Variants in MTM1 observed in about 807,000 individuals in gnomAD.
MTM1 encodes myotubularin.
Under a neutral mutation model 52.1 loss-of-function variants are expected in MTM1, and 9 were observed. The ratio of observed to expected loss-of-function variants is 0.17; its 90% confidence interval spans 0.10 to 0.30. The LOEUF is 0.30. MTM1 is among the 10% of genes least tolerant of loss of function. The pLI, the probability that MTM1 is intolerant of heterozygous loss-of-function variation, is 1.00. For synonymous variants in MTM1, 136 were observed against 163.8 expected, an observed-to-expected ratio of 0.83 and a Z score of 1.29; for missense variants, 277 against 470.7, an observed-to-expected ratio of 0.59 and a Z score of 3.81.
chrX:150,564,452 G>A (rs782588977), upstream of MTM1, among the ~76,000 whole-genome samples: 12 of 111,343 alleles, frequency 1.1e-4, no homozygotes, highest in Non-Finnish European at 1.7e-4. Flanking sequence ...GCACGATCTC[G>A]GCTCAGTGCA....
chrX:150,613,254 T>C (rs1278414452), intron 4 of MTM1, among the ~76,000 whole-genome samples: 6 of 111,915 alleles, frequency 5.4e-5, no homozygotes, highest in African/African-American at 1.9e-4. Flanking sequence ...CAAACTTATC[T>C]ATCACAATAT....
At chrX:150,570,782 AT>A (rs2038358675) in intron 1 of MTM1, among the ~76,000 whole-genome samples, 1 of 111,830 alleles carries the variant, frequency 8.9e-6, no homozygotes, top group Admixed American at 9.5e-5. Context: ...AAACTAGTTC[AT>A]TTTGAAATAG....
intron 1 of MTM1, among the ~76,000 whole-genome samples, chrX:150,572,807 TG>T (rs1445707009): frequency 8.9e-6 from 1 of 112,762 alleles, no homozygotes; most frequent in Non-Finnish European, 1.9e-5. Flanking sequence ...TCCTCCTTGC[TG>T]GAACAGGGCA....
chrX:150,653,311 C>G (rs1283282491), intron 10 of MTM1, among the ~76,000 whole-genome samples: 1 of 111,590 alleles, frequency 9.0e-6, no homozygotes, highest in Non-Finnish European at 1.9e-5. Context: ...GCATATCATT[C>G]CATCCTCTGC....
chrX:150,662,485 A>T (rs1487328329), intron 13 of MTM1, among the ~76,000 whole-genome samples: 2 of 110,160 alleles, frequency 1.8e-5, no homozygotes, highest in Non-Finnish European at 3.8e-5. Context: ...CACCACTCCC[A>T]GCTAATTTTT....
Position 150,583,792 on chromosome X carries a change from T to G in MTM1, c.-10-8813T>G, listed in dbSNP as rs369494662. ...ATATATTTAATATATAAAATATATA[T>G]AAAATATATATTAAATATATATATT... On this transcript the variant is annotated intron_variant, in intron 1 of 14. Coordinates refer to ENST00000370396, the MANE Select transcript of MTM1 (RefSeq NM_000252.3). Among the ~76,000 whole-genome samples the G allele has an allele frequency of 1.8e-4, 9 of 50,574 alleles. 1 individual carries two copies. Among genetic ancestry groups the G allele is most frequent in the Non-Finnish European group, 3.0e-4 (9 of 30,074 alleles). The allele number at this position is 50,574 out of a possible 115,157, so 43.9% of individuals were successfully genotyped here.
In MTM1 at chrX:150,665,352, G is replaced by A. The variant is rs192347829; in HGVS notation, c.1644+1743G>A. Among the ~76,000 whole-genome samples the A allele has an allele frequency of 3.0e-3, 334 of 112,104 alleles. 1 individual carries two copies. The highest frequency in any genetic ancestry group is 0.018 in the Middle Eastern group (4 of 218). On this transcript the variant is annotated intron_variant, in intron 14 of 14. Transcript: ENST00000370396. The stretch of plus-strand genomic sequence containing the variant: ...ATGAGTAGCTCCCAAGCTGGTAGGG[G>A]CGGCCAGAAACATAAGCCAATGGTT...
chrX:150,653,685 T>G (rs1297839365), intron 10 of MTM1, among the ~76,000 whole-genome samples: 3 of 112,119 alleles, frequency 2.7e-5, no homozygotes, highest in Non-Finnish European at 5.6e-5. Flanking sequence ...AAAATCACCA[T>G]CCTTAGCATG....
intron 6 of MTM1, among the ~76,000 whole-genome samples, chrX:150,636,921 CTGTCTT>C (rs2039761858): frequency 8.9e-6 from 1 of 112,658 alleles, no homozygotes; most frequent in Admixed American, 9.4e-5. Context: ...CAAAGTCCCT[CTGTCTT>C]TAATTTAAAC....
At chrX:150,581,197 A>G (rs915804204) in intron 1 of MTM1, among the ~76,000 whole-genome samples, 1 of 112,121 alleles carries the variant, frequency 8.9e-6, no homozygotes, top group Non-Finnish European at 1.9e-5. Context: ...AGATATGGTT[A>G]AAGTTCATGA....
chrX:150,645,883 T>G lies in MTM1; in HGVS notation c.867+12T>G, dbSNP rs2039922955. The G allele has an allele frequency of 8.3e-7, 1 of 1,197,729 alleles. No homozygotes were observed. The highest frequency in any genetic ancestry group is 1.8e-5 in the South Asian group (1 of 56,602). On this transcript the variant is annotated intron_variant, in intron 9 of 14. Transcript: ENST00000370396. ...CAGTGGCCAACAAGGTGAGTGGACT[T>G]AATGATGTGCTGGACACTTAGCTTA...
intron 9 of MTM1, among the ~76,000 whole-genome samples, chrX:150,647,511 T>G (rs782242117): frequency 9.0e-6 from 1 of 111,690 alleles, no homozygotes; most frequent in Non-Finnish European, 1.9e-5. Flanking sequence ...CTCTGCTGTG[T>G]CTCTCCGCTA....
chrX:150,575,025 G>C (rs1450872229), intron 1 of MTM1, among the ~76,000 whole-genome samples: 1 of 112,280 alleles, frequency 8.9e-6, no homozygotes, highest in African/African-American at 3.2e-5. Context: ...TGGGTTTGCA[G>C]CCTCCGCTGC....
At chrX:150,666,058 G>C (rs782020122) in intron 14 of MTM1, among the ~76,000 whole-genome samples, 1 of 112,382 alleles carries the variant, frequency 8.9e-6, no homozygotes, top group East Asian at 2.8e-4. Flanking sequence ...ATTTTTGATA[G>C]AAAAATTTAA....
At position 150,596,528 on chromosome X, in the gene MTM1, A is replaced by T; in HGVS notation, c.94A>T (p.Thr32Ser). The T allele has an allele frequency of 1.7e-6, 2 of 1,210,325 alleles. No individual in the cohort carries two copies. Among genetic ancestry groups the T allele is most frequent in the Non-Finnish European group, 2.2e-6 (2 of 894,737 alleles). ...TSRDGVNRDL[T>S]EAVPRLPGET... ...TCGAGATGGAGTCAATCGAGATCTCACTGAGGCTGTTCCTCGACTTCCAGG... is the reference window on the plus strand; with the variant it reads ...TCGAGATGGAGTCAATCGAGATCTCTCTGAGGCTGTTCCTCGACTTCCAGG... The change falls in exon 3 of 15, where the codon ACT becomes TCT. Residue 32 changes from threonine (T) to serine (S), a missense_variant. This residue lies in a region of MTM1 where 164 missense variants were observed against 283.3 expected (regional missense o/e 0.58). Coordinates refer to ENST00000370396, the MANE Select transcript of MTM1 (RefSeq NM_000252.3).
rs1557415156 is a variant in MTM1 at position 150,671,618 on chromosome X, A to G, written c.*23A>G. Reference sequence around the variant, plus strand: ...TGAGGGGGGACCCTGGCACCGCATTAGAGCTCGAAATAAAGGCGATAGCTG... The same window carrying G: ...TGAGGGGGGACCCTGGCACCGCATTGGAGCTCGAAATAAAGGCGATAGCTG... On this transcript the variant is annotated 3_prime_UTR_variant, in exon 15 of 15. Transcript: ENST00000370396. 8.3e-7 allele frequency: 1 copy of G among 1,206,316 alleles called. No homozygotes were observed. Among genetic ancestry groups the G allele is most frequent in the Non-Finnish European group, 1.1e-6 (1 of 891,094 alleles).
intron 1 of MTM1, among the ~76,000 whole-genome samples, chrX:150,583,167 TA>T (rs1377309852): frequency 2.6e-5 from 2 of 75,536 alleles, no homozygotes; most frequent in Admixed American, 2.2e-4. Flanking sequence ...TTATATATAT[TA>T]TATAAATTAT....
At chrX:150,634,597 A>G (rs1171383898) in intron 6 of MTM1, among the ~76,000 whole-genome samples, 9 of 80,537 alleles carry the variant, frequency 1.1e-4, no homozygotes, top group African/African-American at 3.1e-4. Context: ...AACAATGCAC[A>G]TGATTGCTTT....
intron 1 of MTM1, among the ~76,000 whole-genome samples, chrX:150,572,642 G>A (rs921907000): frequency 1.8e-5 from 2 of 112,506 alleles, no homozygotes; most frequent in Non-Finnish European, 3.8e-5. Flanking sequence ...CCTCTCCCAA[G>A]TGTCTCAGAA....
Sources: allele counts gnomAD v4.1 joint callset (sites outside exome capture counted in the v4.1 genomes callset), GRCh38; gene constraint gnomAD v4.1.1; regional missense constraint gnomAD v4.1.1; transcripts MANE v1.5; gene names NCBI Gene and HGNC (gene_info 2026-07-23, HGNC 2026-07-21).